The following ELFN2 variants were observed in gnomAD, a reference collection of about 807,000 sequenced individuals.
The protein encoded by ELFN2 is extracellular leucine rich repeat and fibronectin type III domain containing 2.
Under a neutral mutation model 45.5 loss-of-function variants are expected in ELFN2, and 17 were observed. That is an observed-to-expected ratio of 0.37 (90% CI 0.26 to 0.56). The LOEUF is 0.56. Ranked by LOEUF, ELFN2 falls within the 20% of genes least tolerant of loss-of-function variation. The pLI is 0.77. For synonymous variants in ELFN2, 550 were observed against 551.5 expected, an observed-to-expected ratio of 1.00 and a Z score of 0.04; for missense variants, 922 against 1,183.2, an observed-to-expected ratio of 0.78 and a Z score of 3.24.
intron 2 of ELFN2, among the ~76,000 whole-genome samples, chr22:37,400,307 C>G (rs896403076): frequency 1.3e-5 from 2 of 152,124 alleles, no homozygotes; most frequent in African/African-American, 4.8e-5. Context: ...GAGAGCTGCC[C>G]CCACTGACAC....
intron 2 of ELFN2, among the ~76,000 whole-genome samples, chr22:37,341,317 C>T (rs887863086): frequency 6.6e-6 from 1 of 152,176 alleles, no homozygotes; most frequent in Non-Finnish European, 1.5e-5. Context: ...CCTGCTGCTC[C>T]ACCACTGTGG....
chr22:37,415,492 G>A (rs1359954240), intron 2 of ELFN2, among the ~76,000 whole-genome samples: 4 of 152,192 alleles, frequency 2.6e-5, no homozygotes, highest in African/African-American at 9.7e-5. Context: ...CAGCCACCAG[G>A]GTACTATGTG....
intron 1 of ELFN2, among the ~76,000 whole-genome samples, chr22:37,358,623 A>G (rs2145620027): frequency 6.6e-6 from 1 of 152,300 alleles, no homozygotes; most frequent in Non-Finnish European, 1.5e-5. Flanking sequence ...TCCTAAGCCA[A>G]TCACTGGCAG....
In ELFN2 at chr22:37,373,005, C is replaced by A. The variant is rs1931419656; in HGVS notation, c.*67G>T. The A allele has an allele frequency of 6.6e-7, 1 of 1,518,188 alleles. No individual in the cohort carries two copies. Among genetic ancestry groups the A allele is most frequent in the Admixed American group, 2.0e-5 (1 of 49,546 alleles). 94.0% of individuals were successfully genotyped at this position (1,518,188 alleles called of 1,614,324 possible). ...CCGAGTCTGCTCCCCGCCCTGGCCG[C>A]CTGGACCCTTCCCCCAAAAGGCCCC... is the stretch of plus-strand genomic sequence containing the variant. On this transcript the variant is annotated 3_prime_UTR_variant, in exon 3 of 3. Coordinates refer to ENST00000402918, the MANE Select transcript of ELFN2 (RefSeq NM_052906.5).
intron 2 of ELFN2, among the ~76,000 whole-genome samples, chr22:37,393,344 C>G (rs974507502): frequency 6.6e-6 from 1 of 152,220 alleles, no homozygotes; most frequent in African/African-American, 2.4e-5. Flanking sequence ...TCCACTCGCA[C>G]CTGGGCCTGG....
intron 2 of ELFN2, among the ~76,000 whole-genome samples, chr22:37,379,087 T>C (rs1931672571): frequency 6.6e-6 from 1 of 151,926 alleles, no homozygotes; most frequent in Non-Finnish European, 1.5e-5. Context: ...AGGTGAGGAC[T>C]GAGAATGGTG....
chr22:37,381,487 C>G (rs1358579738), intron 2 of ELFN2, among the ~76,000 whole-genome samples: 1 of 152,042 alleles, frequency 6.6e-6, no homozygotes, highest in Admixed American at 6.6e-5. Flanking sequence ...ATGTTCTTCC[C>G]CCAGAATCCC....
intron 2 of ELFN2, among the ~76,000 whole-genome samples, chr22:37,391,460 C>T (rs560220484): frequency 7.9e-5 from 12 of 152,254 alleles, no homozygotes; most frequent in Middle Eastern, 3.4e-3. Flanking sequence ...CACACCGCGC[C>T]GGCACCCGCT....
At chr22:37,388,028 A>G (rs1371311363) in intron 2 of ELFN2, among the ~76,000 whole-genome samples, 3 of 149,400 alleles carry the variant, frequency 2.0e-5, no homozygotes, top group Admixed American at 2.0e-4. Context: ...ACCTGCCCCT[A>G]GTCCCGCCTT....
rs56992581 is a variant in ELFN2 at position 37,399,557 on chromosome 22, C to T, written c.-463+18212G>A. Among the ~76,000 whole-genome samples, 357 of 139,196 alleles carry T rather than the reference C, an allele frequency of 2.6e-3. 19 individuals carry two copies. The highest frequency in any genetic ancestry group is 9.4e-3 in the African/African-American group (334 of 35,386). 91.3% of individuals were successfully genotyped at this position (139,196 alleles called of 152,430 possible). ...CACCTCCACCGACCACGGGGACCAC[C>T]GGCCCACCTCTCCCACCTCCACCGA... On this transcript the variant is annotated intron_variant, in intron 2 of 2. Coordinates refer to ENST00000402918, the MANE Select transcript of ELFN2 (RefSeq NM_052906.5).
At chr22:37,355,029 G>C (rs1930915205) in intron 1 of ELFN2, among the ~76,000 whole-genome samples, 1 of 152,202 alleles carries the variant, frequency 6.6e-6, no homozygotes, top group African/African-American at 2.4e-5. Flanking sequence ...CCCTGGTTGA[G>C]AACAGATGAC....
chr22:37,426,636 C>T (rs187187497), intron 1 of ELFN2, among the ~76,000 whole-genome samples: 89 of 129,778 alleles, frequency 6.9e-4, no homozygotes, highest in African/African-American at 2.3e-3. Context: ...GGCACGCGCT[C>T]GCACACACAC....
At position 37,341,275 on chromosome 22, in the gene ELFN2, C is replaced by T. The variant is rs142769024; in HGVS notation, n.252-306G>A. ...AGGGCAGGAGCTGAAGGGGTTCAGT[C>T]CCTCCCACTTTACTGCTGTCCCCTC... On this transcript the variant is annotated intron_variant and non_coding_transcript_variant, in intron 2 of 2. Coordinates refer to ENST00000452946, the Ensembl canonical transcript of ELFN2. Among the ~76,000 whole-genome samples, 324 of 152,226 alleles carry T rather than the reference C, an allele frequency of 2.1e-3. 2 individuals are homozygous for T. Among genetic ancestry groups the T allele is most frequent in the Middle Eastern group, 6.8e-3 (2 of 294 alleles).
chr22:37,360,504 C>G (rs1931058880), intron 1 of ELFN2, among the ~76,000 whole-genome samples: 1 of 152,196 alleles, frequency 6.6e-6, no homozygotes, highest in African/African-American at 2.4e-5. Context: ...GTGACTCGTC[C>G]CTCAGTGAAG....
chr22:37,416,899 G>T (rs1324538270), intron 2 of ELFN2, among the ~76,000 whole-genome samples: 1 of 151,992 alleles, frequency 6.6e-6, no homozygotes, highest in East Asian at 1.9e-4. Flanking sequence ...GCCCCTCCAC[G>T]TGGGGACCAC....
intron 1 of ELFN2, among the ~76,000 whole-genome samples, chr22:37,423,504 C>T (rs1361985138): frequency 5.3e-5 from 8 of 152,120 alleles, no homozygotes; most frequent in South Asian, 2.1e-4. Context: ...CTGGTTCCAT[C>T]GCTGTGTGGC....
At chr22:37,377,102 AG>A (rs1477885554) in intron 2 of ELFN2, among the ~76,000 whole-genome samples, 3 of 152,238 alleles carry the variant, frequency 2.0e-5, no homozygotes, top group Non-Finnish European at 4.4e-5. Context: ...GAGAAGAAGC[AG>A]GGGACTCATG....
intron 1 of ELFN2, among the ~76,000 whole-genome samples, chr22:37,344,546 T>C (rs1336250531): frequency 1.3e-5 from 2 of 151,992 alleles, no homozygotes; most frequent in Non-Finnish European, 2.9e-5. Context: ...CCTGGCCCAG[T>C]GCCAGCCTCG....
intron 2 of ELFN2, among the ~76,000 whole-genome samples, chr22:37,388,753 C>T (rs1397219447): frequency 6.6e-6 from 1 of 152,198 alleles, no homozygotes; most frequent in Non-Finnish European, 1.5e-5. Flanking sequence ...CTCTCAGGGC[C>T]TCAGTCTTCT....
Sources: allele counts gnomAD v4.1 joint callset (sites outside exome capture counted in the v4.1 genomes callset), GRCh38; gene constraint gnomAD v4.1.1; transcripts MANE v1.5; gene names NCBI Gene and HGNC (gene_info 2026-07-23, HGNC 2026-07-21).